Variants in VWA8 observed in about 807,000 individuals in gnomAD.
VWA8 encodes the protein von Willebrand factor A domain-containing protein 8.
In VWA8, 221 loss-of-function variants were observed where a neutral mutation model predicts 241.5. The observed-to-expected ratio is 0.91, with a 90% CI of 0.82 to 1.02. VWA8 has a LOEUF of 1.02. VWA8 is among the 50% of genes least tolerant of loss of function. The probability of loss-of-function intolerance (pLI) is 0.00; values close to 1 mark genes in which losing one functional copy is unlikely to be tolerated. For synonymous variants in VWA8, 852 were observed against 827.1 expected (o/e 1.03, Z -0.52); for missense variants, 2,322 against 2,328.7 (o/e 1.00, Z 0.06).
At chr13:41,731,818 T>C (rs2045486184) in intron 22 of VWA8, among the ~76,000 whole-genome samples, 1 of 152,206 alleles carries the variant, frequency 6.6e-6, no homozygotes, top group African/African-American at 2.4e-5. Flanking sequence ...ACCCCATTGC[T>C]TGGTTCTCAT....
intron 37 of VWA8, among the ~76,000 whole-genome samples, chr13:41,668,097 A>G (rs1327836310): frequency 6.6e-6 from 1 of 152,236 alleles, no homozygotes; most frequent in Admixed American, 6.5e-5. Flanking sequence ...AGTAGTGATA[A>G]AACATTTAAT....
At chr13:41,612,791 T>C (rs2044598285) in intron 38 of VWA8, among the ~76,000 whole-genome samples, 3 of 152,200 alleles carry the variant, frequency 2.0e-5, no homozygotes, top group Admixed American at 6.5e-5. Flanking sequence ...TATTATGATA[T>C]AGTTAAACCA....
rs559486931 is a variant in VWA8 at position 41,946,214 on chromosome 13, A to T, written c.241+3722T>A. Among the ~76,000 whole-genome samples the T allele has an allele frequency of 5.7e-4, 83 of 146,392 alleles. No individual in the cohort carries two copies. In the South Asian group the frequency reaches 9.7e-3, roughly 17 times the overall value. On this transcript the variant is annotated intron_variant, in intron 2 of 44. Transcript: ENST00000379310. ...GAGAAATGAAGACATTTCCAAATTT[A>T]AAAAAAAAAAAGTGATAATTCACCA...
intron 9 of VWA8, among the ~76,000 whole-genome samples, chr13:41,870,751 T>G (rs1159415782): frequency 6.6e-6 from 1 of 152,146 alleles, no homozygotes; most frequent in Non-Finnish European, 1.5e-5. Context: ...TCAATCTAAC[T>G]TGATACAGGA....
rs1395350354 is a variant in VWA8, at chr13:41,721,441, A to G, written c.2893T>C (p.Leu965=). Residue 965 remains leucine (L), a synonymous_variant, in exon 25 of 45, where the codon TTG becomes CTG. Transcript: ENST00000379310. ...LVAAFGELRS[L]ADQGIINYPY... is the part of the protein sequence containing the mutation. ...TAGTTAATAATCCCTTGGTCAGCCA[A>G]ACTCCTCAGCTCTCCAAAGGCAGCC... 1.2e-6 allele frequency: 2 copies of G among 1,613,870 alleles called. No individual in the cohort carries two copies. Among genetic ancestry groups the G allele is most frequent in the Non-Finnish European group, 1.7e-6 (2 of 1,179,832 alleles).
intron 21 of VWA8, among the ~76,000 whole-genome samples, chr13:41,734,984 A>G (rs76692186): frequency 0.025 from 3,815 of 152,300 alleles, 171 homozygotes; most frequent in African/African-American, 0.086. Context: ...GGTTTTATAA[A>G]CTTACTGCAG....
chr13:41,828,504 C>T (rs559032028), intron 14 of VWA8, among the ~76,000 whole-genome samples: 5 of 152,054 alleles, frequency 3.3e-5, no homozygotes, highest in African/African-American at 1.2e-4. Context: ...TTCCTTCAAA[C>T]TTTTTGTTTT....
At chr13:41,940,253 A>C (rs1162031405) in intron 2 of VWA8, among the ~76,000 whole-genome samples, 5 of 152,180 alleles carry the variant, frequency 3.3e-5, no homozygotes, top group Non-Finnish European at 7.4e-5. Flanking sequence ...TTCACTTGAA[A>C]AGTGAAAGTC....
chr13:41,785,117 G>A (rs191565357), intron 18 of VWA8, among the ~76,000 whole-genome samples: 1 of 151,780 alleles, frequency 6.6e-6, no homozygotes, highest in African/African-American at 2.4e-5. Context: ...AATAGTAGTA[G>A]GTATTTTAGT....
At chr13:41,880,989 T>G (rs1309587520) in intron 9 of VWA8, among the ~76,000 whole-genome samples, 1 of 152,206 alleles carries the variant, frequency 6.6e-6, no homozygotes, top group Non-Finnish European at 1.5e-5. Flanking sequence ...GTGTTTTTTC[T>G]ATTTATGTAA....
chr13:41,872,410 C>G (rs910539651), intron 9 of VWA8, among the ~76,000 whole-genome samples: 31 of 152,168 alleles, frequency 2.0e-4, no homozygotes, highest in Non-Finnish European at 4.3e-4. Flanking sequence ...GTAATGCCTA[C>G]GTTTTCTTCT....
At chr13:41,860,047 G>T (rs538699367) in intron 12 of VWA8, among the ~76,000 whole-genome samples, 35 of 152,256 alleles carry the variant, frequency 2.3e-4, no homozygotes, top group African/African-American at 7.5e-4. Flanking sequence ...CCACAGAGGA[G>T]TCTTATATTT....
chr13:41,569,017 A>C (rs967702208), intron 44 of VWA8, among the ~76,000 whole-genome samples: 2 of 152,278 alleles, frequency 1.3e-5, no homozygotes, highest in Admixed American at 6.5e-5. Context: ...ACAAAAGGCC[A>C]TTTTGAAGGC....
intron 20 of VWA8, among the ~76,000 whole-genome samples, chr13:41,761,427 T>G (rs1489150900): frequency 6.6e-6 from 1 of 152,070 alleles, no homozygotes; most frequent in Non-Finnish European, 1.5e-5. Flanking sequence ...CCATTCTTAT[T>G]TGAAAGGAAA....
chr13:41,806,711 GA>G (rs1347996490), intron 17 of VWA8, among the ~76,000 whole-genome samples: 1 of 150,608 alleles, frequency 6.6e-6, no homozygotes, highest in South Asian at 2.1e-4. Context: ...TCAAAAAAAA[GA>G]AAAAAAACTA....
chr13:41,883,942 GA>G (rs1874388726), intron 8 of VWA8, among the ~76,000 whole-genome samples: 1 of 152,144 alleles, frequency 6.6e-6, no homozygotes, highest in Admixed American at 6.5e-5. Flanking sequence ...TACAAAATTA[GA>G]AAGTATTCAT....
intron 2 of VWA8, among the ~76,000 whole-genome samples, chr13:41,915,048 T>C (rs983948101): frequency 6.6e-6 from 1 of 152,238 alleles, no homozygotes; most frequent in Admixed American, 6.5e-5. Context: ...AAATTGTCTG[T>C]ATAATAAAGT....
rs1039605769 is a variant in VWA8, at chr13:41,860,030, C to T, written c.1425+5706G>A. Among the ~76,000 whole-genome samples the T allele has an allele frequency of 5.3e-5, 8 of 152,234 alleles. No individual in the cohort carries two copies. In the East Asian group the frequency reaches 9.6e-4, roughly 18 times the overall value. On this transcript the variant is annotated intron_variant, in intron 12 of 44. Coordinates refer to ENST00000379310, the MANE Select transcript of VWA8 (RefSeq NM_015058.2). ...ATTCATTCTTTAAGTTTATTAATTC[C>T]TGTGTCCCACAGAGGAGTCTTATAT...
intron 37 of VWA8, among the ~76,000 whole-genome samples, chr13:41,627,348 G>A (rs1009577343): frequency 6.6e-6 from 1 of 151,968 alleles, no homozygotes; most frequent in Non-Finnish European, 1.5e-5. Context: ...TCCTTGCTTT[G>A]TTTGTGTGTT....
Sources: gnomAD v4.1 joint callset for allele counts (sites outside exome capture counted in the v4.1 genomes callset) on GRCh38, gnomAD v4.1.1 for gene constraint, MANE v1.5 for transcripts, NCBI Gene and HGNC (gene_info 2026-07-23, HGNC 2026-07-21) for gene names.